CSMD3: variants seen among roughly 807,000 people sequenced by gnomAD.
The protein encoded by CSMD3 is CUB and Sushi multiple domains 3, also known as CUB and sushi domain-containing protein 3.
Under a neutral mutation model 435.2 loss-of-function variants are expected in CSMD3, and 177 were observed. The observed-to-expected ratio is 0.41, with a 90% CI of 0.36 to 0.46. The LOEUF is 0.46. Ranked by LOEUF, CSMD3 falls within the 20% of genes least tolerant of loss-of-function variation. The pLI, the probability that CSMD3 is intolerant of heterozygous loss-of-function variation, is 0.34. For synonymous variants in CSMD3, 1,656 were observed against 1,520.5 expected (o/e 1.09, Z -2.07); for missense variants, 4,265 against 4,504.6 (o/e 0.95, Z 1.52).
At chr8:112,870,886 T>G (rs554831957) in intron 10 of CSMD3, among the ~76,000 whole-genome samples, 1 of 152,112 alleles carries the variant, frequency 6.6e-6, no homozygotes, top group African/African-American at 2.4e-5. Context: ...GAGTAAGTAA[T>G]AGATTACAAA....
chr8:113,020,138 C>A (rs1421451181), intron 5 of CSMD3, among the ~76,000 whole-genome samples: 1 of 138,348 alleles, frequency 7.2e-6, no homozygotes, highest in Admixed American at 7.8e-5. Context: ...AGTCCGCAGT[C>A]CGGCCTGGGC....
intron 32 of CSMD3, among the ~76,000 whole-genome samples, chr8:112,410,585 C>CATATGTGTATATATATGTGTATATAT (rs1563912646): frequency 1.4e-5 from 1 of 74,042 alleles, no homozygotes; most frequent in Non-Finnish European, 2.7e-5. Flanking sequence ...TATATACATA[C>CATATGTGTATATATATGTGTATATAT]ATATGTATAT....
At chr8:112,430,618 A>G (rs561009367) in intron 32 of CSMD3, among the ~76,000 whole-genome samples, 38 of 152,032 alleles carry the variant, frequency 2.5e-4, no homozygotes, top group Non-Finnish European at 4.4e-5. Context: ...ATAAAAGAAC[A>G]CTTATGAACT....
intron 13 of CSMD3, among the ~76,000 whole-genome samples, chr8:112,722,531 A>C (rs2076880798): frequency 6.6e-6 from 1 of 152,152 alleles, no homozygotes. Flanking sequence ...AAGCAAATAA[A>C]GATGTGTTTC....
At chr8:112,516,969 AC>A in intron 28 of CSMD3, 64 bp downstream of exon 28, 1 of 1,267,298 alleles carries the variant, frequency 7.9e-7, no homozygotes, top group Non-Finnish European at 1.1e-6. Flanking sequence ...GTTCTTAAGA[AC>A]AATACCAGTT....
At chr8:112,346,800 A>T (rs1230367609) in intron 40 of CSMD3, among the ~76,000 whole-genome samples, 3 of 144,438 alleles carry the variant, frequency 2.1e-5, no homozygotes, top group Admixed American at 7.2e-5. Context: ...TGCCTCAGCC[A>T]CCCGAGTAGC....
chr8:113,370,236 T>G (rs1254769467), intron 1 of CSMD3, among the ~76,000 whole-genome samples: 2 of 151,430 alleles, frequency 1.3e-5, no homozygotes, highest in African/African-American at 2.4e-5. Context: ...ATAAAAGGAT[T>G]GCTCACAAAA....
chr8:112,759,764 T>G (rs1041563782), intron 13 of CSMD3, among the ~76,000 whole-genome samples: 1 of 152,134 alleles, frequency 6.6e-6, no homozygotes, highest in African/African-American at 2.4e-5. Flanking sequence ...GTGATCTTTT[T>G]GCTATTCACT....
chr8:112,813,639 C>T (rs1441635036), intron 12 of CSMD3, among the ~76,000 whole-genome samples: 1 of 152,064 alleles, frequency 6.6e-6, no homozygotes, highest in Admixed American at 6.6e-5. Context: ...AATACATGCA[C>T]AAATCCTGGT....
At chr8:112,832,746 C>T (rs954275611) in intron 11 of CSMD3, among the ~76,000 whole-genome samples, 1 of 152,096 alleles carries the variant, frequency 6.6e-6, no homozygotes, top group African/African-American at 2.4e-5. Context: ...ACCCAGATAT[C>T]CATGCCCAGA....
chr8:112,367,496 A>G (rs1827888173), intron 38 of CSMD3, among the ~76,000 whole-genome samples: 1 of 152,222 alleles, frequency 6.6e-6, no homozygotes, highest in South Asian at 2.1e-4. Context: ...AAAACAAAAC[A>G]GAAGACCAGA....
At chr8:112,626,955 C>G (rs1029666025) in intron 22 of CSMD3, among the ~76,000 whole-genome samples, 5 of 152,070 alleles carry the variant, frequency 3.3e-5, no homozygotes, top group Non-Finnish European at 7.4e-5. Context: ...CTTAACCTCC[C>G]TGTGTCTCAG....
At chr8:113,076,642 C>T (rs1377745744) in intron 5 of CSMD3, among the ~76,000 whole-genome samples, 2 of 152,044 alleles carry the variant, frequency 1.3e-5, no homozygotes, top group East Asian at 1.9e-4. Context: ...AAAAACATGA[C>T]ATTTTTAATA....
intron 10 of CSMD3, among the ~76,000 whole-genome samples, chr8:112,891,805 T>G (rs1587595923): frequency 6.6e-6 from 1 of 151,542 alleles, no homozygotes; most frequent in African/African-American, 2.4e-5. Context: ...ATACATAGAT[T>G]GTAGAATAGG....
At chr8:112,362,821 G>T (rs969683448) in intron 38 of CSMD3, among the ~76,000 whole-genome samples, 1 of 151,894 alleles carries the variant, frequency 6.6e-6, no homozygotes, top group Admixed American at 6.6e-5. Flanking sequence ...TTATCCTGAG[G>T]GGTAGTTGTG....
At chr8:112,538,519 A>C (rs1324833806) in intron 27 of CSMD3, among the ~76,000 whole-genome samples, 3 of 152,150 alleles carry the variant, frequency 2.0e-5, no homozygotes, top group African/African-American at 7.2e-5. Flanking sequence ...ATACAAAATC[A>C]ACATACAAAA....
At position 112,838,392 on chromosome 8, in the gene CSMD3, A is replaced by G. The variant is rs918716314; in HGVS notation, c.1756-8603T>C. On this transcript the variant is annotated intron_variant, in intron 11 of 70. Transcript: ENST00000297405. ...TTTTGAACAATGTTGACAGGGTTATATTTAATTTTTTACATGCTCATTTTG... is the reference window on the plus strand; with the variant it reads ...TTTTGAACAATGTTGACAGGGTTATGTTTAATTTTTTACATGCTCATTTTG... 3.3e-5 allele frequency among the ~76,000 whole-genome samples: 5 copies of G among 151,696 alleles called. 1 individual carries two copies. The highest frequency in any genetic ancestry group is 6.6e-5 in the Admixed American group (1 of 15,156).
At chr8:113,310,803 T>A (rs1417811802) in intron 2 of CSMD3, 1 of 151,728 alleles carries the variant, frequency 6.6e-6, no homozygotes, top group Admixed American at 6.6e-5. Flanking sequence ...ATAGAAAATA[T>A]ATATTCATAA....
intron 13 of CSMD3, among the ~76,000 whole-genome samples, chr8:112,774,521 ATC>A (rs776064362): frequency 5.3e-5 from 8 of 151,984 alleles, no homozygotes; most frequent in Non-Finnish European, 1.2e-4. Context: ...CTGAGTCGAA[ATC>A]TACTTTATTT....
Sources: gnomAD v4.1 joint callset for allele counts (sites outside exome capture counted in the v4.1 genomes callset) on GRCh38, gnomAD v4.1.1 for gene constraint, MANE v1.5 for transcripts, NCBI Gene and HGNC (gene_info 2026-07-23, HGNC 2026-07-21) for gene names.